Variants in PTPRS observed in about 807,000 individuals in gnomAD.
The protein encoded by PTPRS is receptor-type tyrosine-protein phosphatase S.
In PTPRS, 63 loss-of-function variants were observed where a neutral mutation model predicts 215.3. That is an observed-to-expected ratio of 0.29 (90% confidence interval 0.24 to 0.36). The LOEUF is 0.36. Among genes scored for constraint, PTPRS ranks in the 10% least tolerant of loss-of-function variants. The pLI, the probability that PTPRS is intolerant of heterozygous loss-of-function variation, is 1.00. For missense variants in PTPRS, 2,258 were observed against 2,825.8 expected, an observed-to-expected ratio of 0.80 and a Z score of 4.56; for synonymous variants, 1,404 against 1,191.4, an observed-to-expected ratio of 1.18 and a Z score of -3.68.
At chr19:5,260,425 C>T (rs1349563908) in intron 7 of PTPRS, among the ~76,000 whole-genome samples, 1 of 152,180 alleles carries the variant, frequency 6.6e-6, no homozygotes, top group East Asian at 1.9e-4. Flanking sequence ...GGTGATTCAC[C>T]TGCCTCGGCC....
chr19:5,312,576 GC>G (rs1370398592), intron 1 of PTPRS, among the ~76,000 whole-genome samples: 1 of 152,200 alleles, frequency 6.6e-6, no homozygotes, highest in African/African-American at 2.4e-5. Flanking sequence ...CAGGAGGACT[GC>G]TTGAGCCTAG....
intron 4 of PTPRS, among the ~76,000 whole-genome samples, chr19:5,270,894 C>T (rs2046852102): frequency 6.6e-6 from 1 of 152,154 alleles, no homozygotes; most frequent in Admixed American, 6.5e-5. Context: ...GTCCACTTGC[C>T]TCGGCCTCCC....
intron 16 of PTPRS, among the ~76,000 whole-genome samples, chr19:5,228,779 A>C (rs148632863): frequency 2.5e-4 from 38 of 152,286 alleles, no homozygotes; most frequent in African/African-American, 8.7e-4. Context: ...CTCTGGTTTA[A>C]AGCATTGTGG....
At chr19:5,285,539 A>G (rs1029918574) in intron 2 of PTPRS, among the ~76,000 whole-genome samples, 2 of 152,154 alleles carry the variant, frequency 1.3e-5, no homozygotes, top group Non-Finnish European at 2.9e-5. Context: ...CCTTTTTCCC[A>G]AGAAGCCTCC....
chr19:5,265,443 G>C (rs944588588), intron 4 of PTPRS, among the ~76,000 whole-genome samples: 1 of 152,154 alleles, frequency 6.6e-6, no homozygotes, highest in Non-Finnish European at 1.5e-5. Context: ...CTGGGCTCAA[G>C]TGATCCTCCT....
At chr19:5,288,264 A>G (rs986412933) in intron 1 of PTPRS, among the ~76,000 whole-genome samples, 22 of 152,320 alleles carry the variant, frequency 1.4e-4, no homozygotes, top group African/African-American at 5.1e-4. Context: ...TAGGCCAGTC[A>G]GTCAGCAGAC....
In PTPRS at chr19:5,286,320, G is replaced by A. The variant is rs376965985; in HGVS notation, c.-94-86C>T. ...GGAGGCAGAGGGAGGGTCACATGGA[G>A]CAGGGGAGGGTCCTGCGGGGGCTGG... On this transcript the variant is annotated intron_variant, in intron 1 of 37. Transcript: ENST00000262963. 2.1e-5 allele frequency: 14 copies of A among 657,854 alleles called. 1 individual carries two copies. In the Admixed American group the frequency reaches 2.8e-4, roughly 13 times the overall value. The allele number at this position is 657,854 out of a possible 1,614,324, so 40.8% of individuals were successfully genotyped here. A position where few individuals can be genotyped will look rare whatever the true frequency, so the allele number is the denominator to read the frequency against.
chr19:5,270,643 T>C (rs1357033288), intron 4 of PTPRS, among the ~76,000 whole-genome samples: 5 of 151,830 alleles, frequency 3.3e-5, no homozygotes, highest in Non-Finnish European at 7.4e-5. Flanking sequence ...GGGGCCTTTC[T>C]TTTTTTTCTT....
intron 1 of PTPRS, among the ~76,000 whole-genome samples, chr19:5,329,297 G>C (rs923567067): frequency 5.3e-5 from 8 of 151,974 alleles, no homozygotes; most frequent in African/African-American, 7.3e-5. Flanking sequence ...TCCAGAGAGG[G>C]AAAGTGACTT....
At chr19:5,269,633 G>A (rs1006165463) in intron 4 of PTPRS, among the ~76,000 whole-genome samples, 1 of 152,094 alleles carries the variant, frequency 6.6e-6, no homozygotes, top group African/African-American at 2.4e-5. Flanking sequence ...GAGAGAAAAA[G>A]GGTGTGGGCT....
At chr19:5,263,757 G>C (rs2046200088) in intron 5 of PTPRS, among the ~76,000 whole-genome samples, 1 of 152,258 alleles carries the variant, frequency 6.6e-6, no homozygotes, top group African/African-American at 2.4e-5. Flanking sequence ...CGCGTGCGCG[G>C]ATCACTGCCC....
intron 10 of PTPRS, among the ~76,000 whole-genome samples, chr19:5,245,370 C>T (rs1228074793): frequency 2.6e-5 from 4 of 151,902 alleles, no homozygotes; most frequent in Non-Finnish European, 1.5e-5. Context: ...CTCACTGCAG[C>T]CTTGAACTCC....
Position 5,211,685 on chromosome 19 carries a change from G to A in PTPRS, c.5139C>T (p.Asn1713=). The part of the protein sequence containing the change: ...PCNKFKNRLV[N]IMPYESTRVC... ...CCCGTGTGCTCTCATAGGGCATGATGTTCACCAGGCGGTTCTTGAACTTGT... is the reference window on the plus strand; with the variant it reads ...CCCGTGTGCTCTCATAGGGCATGATATTCACCAGGCGGTTCTTGAACTTGT... The change falls in exon 33 of 38, where the codon AAC becomes AAT. Residue 1713 remains asparagine, a synonymous_variant. Coordinates refer to ENST00000262963, the MANE Select transcript of PTPRS (RefSeq NM_002850.4). 1 of 1,614,160 alleles carries A rather than the reference G, an allele frequency of 6.2e-7. No individual in the cohort carries two copies. Among genetic ancestry groups the A allele is most frequent in the African/African-American group, 1.3e-5 (1 of 75,056 alleles).
At chr19:5,312,344 G>A (rs986134974) in intron 1 of PTPRS, among the ~76,000 whole-genome samples, 5 of 152,140 alleles carry the variant, frequency 3.3e-5, no homozygotes, top group African/African-American at 9.7e-5. Flanking sequence ...AGCACAATAT[G>A]CCAATATTTG....
chr19:5,277,915 G>A (rs1437618460), intron 2 of PTPRS: 8 of 1,388,984 alleles, frequency 5.8e-6, no homozygotes, highest in East Asian at 4.6e-5. Context: ...CAGTGGTTAC[G>A]GGAGCAACAA....
chr19:5,212,626 C>A lies in PTPRS; in HGVS notation c.4615-135G>T, dbSNP rs992143221. ...TGGGAGGCCGAGGTGGGCGGATCACCTGAGGTCAGGAGTTCGAGACCAGCC... is the reference window on the plus strand; with the variant it reads ...TGGGAGGCCGAGGTGGGCGGATCACATGAGGTCAGGAGTTCGAGACCAGCC... On this transcript the variant is annotated intron_variant, in intron 30 of 37. Transcript: ENST00000262963. 17 of 1,028,358 alleles carry A rather than the reference C, an allele frequency of 1.7e-5. No individual in the cohort carries two copies. The African/African-American group carries it at 2.4e-4, about 15-fold the overall frequency. The allele number at this position is 1,028,358 out of a possible 1,614,324, so 63.7% of individuals were successfully genotyped here.
At chr19:5,261,479 G>A (rs1427918468) in intron 6 of PTPRS, among the ~76,000 whole-genome samples, 3 of 152,140 alleles carry the variant, frequency 2.0e-5, no homozygotes, top group Non-Finnish European at 4.4e-5. Context: ...CTGCAAAGCA[G>A]GAAAAGGCGG....
At chr19:5,262,078 C>A (rs915075967) in intron 6 of PTPRS, among the ~76,000 whole-genome samples, 1 of 152,116 alleles carries the variant, frequency 6.6e-6, no homozygotes, top group Non-Finnish European at 1.5e-5. Flanking sequence ...TTTGGGGTAC[C>A]AGCCTGGCCA....
chr19:5,305,832 T>C (rs1315123907), intron 1 of PTPRS, among the ~76,000 whole-genome samples: 2 of 138,122 alleles, frequency 1.4e-5, no homozygotes, highest in Non-Finnish European at 3.1e-5. Context: ...CCCAGCTACT[T>C]GGGAGGCTGA....
Sources: gnomAD v4.1 joint callset for allele counts (sites outside exome capture counted in the v4.1 genomes callset) on GRCh38, gnomAD v4.1.1 for gene constraint, MANE v1.5 for transcripts, NCBI Gene and HGNC (gene_info 2026-07-23, HGNC 2026-07-21) for gene names.